The following PGBD5 variants were observed in gnomAD, a reference collection of about 807,000 sequenced individuals.
PGBD5 encodes the protein piggyBac transposable element-derived protein 5.
In PGBD5, 14 loss-of-function variants were observed where a neutral mutation model predicts 47.9. The observed-to-expected ratio is 0.29, with a 90% CI of 0.19 to 0.46. The LOEUF is 0.46. PGBD5 is among the 20% of genes least tolerant of loss of function. The pLI, the probability that PGBD5 is intolerant of heterozygous loss-of-function variation, is 1.00. For synonymous variants in PGBD5, 316 were observed against 306.3 expected, an observed-to-expected ratio of 1.03 and a Z score of -0.33; for missense variants, 635 against 716.0, an observed-to-expected ratio of 0.89 and a Z score of 1.29.
intron 1 of PGBD5, among the ~76,000 whole-genome samples, chr1:230,415,081 A>G (rs1008532330): frequency 1.3e-5 from 2 of 152,152 alleles, no homozygotes; most frequent in African/African-American, 4.8e-5. Context: ...CTTAGGCAAC[A>G]TAGTGAGACC....
chr1:230,337,218 T>G lies in PGBD5; in HGVS notation c.965A>C (p.His322Pro). 6.2e-7 allele frequency: 1 copy of G among 1,614,194 alleles called. No homozygotes were observed. Among genetic ancestry groups the G allele is most frequent in the Non-Finnish European group, 8.5e-7 (1 of 1,180,032 alleles). ...GCACAGGCTCCTGGCCACCATGCTG[T>G]GGAGCTGGGGCTTATTCTTCAGCGC... ...LDALKNKPQL[H>P]SMVARSLCRN... Residue 322 changes from histidine (H) to proline (P), a missense_variant, in exon 4 of 7, where the codon CAC (histidine) becomes CCC (proline). His to Pro is a moderately conservative substitution (Grantham distance 77). Transcript: ENST00000391860.
At chr1:230,347,270 ATGGGAGAG>A (rs948603316) in intron 3 of PGBD5, among the ~76,000 whole-genome samples, 5 of 152,176 alleles carry the variant, frequency 3.3e-5, no homozygotes, top group Non-Finnish European at 4.4e-5. Context: ...TCTATGGAAG[ATGGGAGAG>A]TGGGAGAGTG....
chr1:230,380,222 G>A (rs1284232849), intron 1 of PGBD5, among the ~76,000 whole-genome samples: 1 of 152,200 alleles, frequency 6.6e-6, no homozygotes, highest in African/African-American at 2.4e-5. Context: ...GACTTCCCTT[G>A]TAATCACAGG....
chr1:230,407,888 TGAAC>T (rs905846321), intron 1 of PGBD5, among the ~76,000 whole-genome samples: 2 of 152,184 alleles, frequency 1.3e-5, no homozygotes, highest in African/African-American at 4.8e-5. Flanking sequence ...CTCTAAGCAG[TGAAC>T]CAAGGATTTG....
intron 1 of PGBD5, among the ~76,000 whole-genome samples, chr1:230,381,467 T>A (rs939726005): frequency 1.3e-5 from 2 of 152,226 alleles, no homozygotes; most frequent in African/African-American, 4.8e-5. Flanking sequence ...CCACTGGATG[T>A]CTCACGCTGC....
At position 230,323,724 on chromosome 1, in the gene PGBD5, C is replaced by G; in HGVS notation, c.1380-104G>C. The G allele has an allele frequency of 3.5e-6, 4 of 1,158,612 alleles. No individual in the cohort carries two copies. The highest frequency in any genetic ancestry group is 4.9e-6 in the Non-Finnish European group (4 of 816,556). 71.8% of individuals were successfully genotyped at this position (1,158,612 alleles called of 1,614,324 possible). ...CACAGCCCGTGAGACGCTGCAGGTT[C>G]GCCCCCGACAGAAGCAGGAGGGCTA... On this transcript the variant is annotated intron_variant, in intron 6 of 6. Coordinates refer to ENST00000391860, the MANE Select transcript of PGBD5 (RefSeq NM_001258311.2). The surrounding 1 kb of genome is among the most constrained non-coding windows in gnomAD (Gnocchi z 4.1).
chr1:230,337,817 G>A (rs1667350330), intron 3 of PGBD5, among the ~76,000 whole-genome samples: 1 of 152,146 alleles, frequency 6.6e-6, no homozygotes, highest in African/African-American at 2.4e-5. Flanking sequence ...TTGCCCAAGA[G>A]TCCAGGGCCA....
intron 1 of PGBD5, among the ~76,000 whole-genome samples, chr1:230,367,122 G>A (rs368717435): frequency 5.9e-5 from 9 of 151,796 alleles, no homozygotes; most frequent in South Asian, 4.2e-4. Context: ...CTCCCTCCCC[G>A]CTTATTGCTC....
At position 230,357,488 on chromosome 1, in the gene PGBD5, A is replaced by G. The variant is rs1477988609; in HGVS notation, c.332-167T>C. On this transcript the variant is annotated intron_variant, in intron 1 of 6. Transcript: ENST00000391860. This position sits in a 1 kb window ranked among gnomAD's most constrained non-coding sequence, Gnocchi z 5.7. ...TTCCAGAAGCTGCTGCAACCACCTG[A>G]CAGTGCCGGCTCCCATAGCTTTTGT... 1.3e-5 allele frequency among the ~76,000 whole-genome samples: 2 copies of G among 152,126 alleles called. No individual in the cohort carries two copies. Among genetic ancestry groups the G allele is most frequent in the Non-Finnish European group, 2.9e-5 (2 of 68,016 alleles).
At chr1:230,411,429 T>C (rs1657405517) in intron 1 of PGBD5, among the ~76,000 whole-genome samples, 1 of 152,178 alleles carries the variant, frequency 6.6e-6, no homozygotes, top group Non-Finnish European at 1.5e-5. Flanking sequence ...GTCAACAAAT[T>C]TGAAAGCCTT....
At chr1:230,361,935 C>G (rs1667750548) in intron 1 of PGBD5, among the ~76,000 whole-genome samples, 1 of 152,232 alleles carries the variant, frequency 6.6e-6, no homozygotes, top group Non-Finnish European at 1.5e-5. Flanking sequence ...CCATCAGCCC[C>G]AGTGGGGAGT....
chr1:230,416,905 G>A (rs755393208), intron 1 of PGBD5, among the ~76,000 whole-genome samples: 24 of 152,186 alleles, frequency 1.6e-4, no homozygotes, highest in Non-Finnish European at 2.9e-4. Flanking sequence ...AAAGGTGGAG[G>A]CTGAGAATCC....
chr1:230,364,365 T>A (rs905946925), intron 1 of PGBD5, among the ~76,000 whole-genome samples: 3 of 152,246 alleles, frequency 2.0e-5, no homozygotes, highest in Non-Finnish European at 2.9e-5. Context: ...TCCAAAATTA[T>A]GTTCAGATTA....
intron 3 of PGBD5, 69 bp downstream of exon 3, chr1:230,350,888 GC>G: frequency 1.3e-6 from 2 of 1,571,366 alleles, no homozygotes; most frequent in Non-Finnish European, 1.7e-6. Flanking sequence ...TATCAGATGA[GC>G]CCAAGTCGCC....
chr1:230,403,440 C>T (rs1657192713), intron 1 of PGBD5, among the ~76,000 whole-genome samples: 1 of 152,212 alleles, frequency 6.6e-6, no homozygotes, highest in Admixed American at 6.5e-5. Flanking sequence ...TGGCTGGGTG[C>T]ACTCAGTGTA....
At chr1:230,327,018 C>G (rs1176417967) in intron 5 of PGBD5, among the ~76,000 whole-genome samples, 1 of 152,174 alleles carries the variant, frequency 6.6e-6, no homozygotes, top group Non-Finnish European at 1.5e-5. Context: ...TGCCCCGCTG[C>G]CAAGCCACTG....
intron 1 of PGBD5, among the ~76,000 whole-genome samples, chr1:230,358,778 T>G (rs1045190679): frequency 6.6e-6 from 1 of 152,224 alleles, no homozygotes. Context: ...CACAGGTTTG[T>G]AGTCTAGGAG....
At chr1:230,371,366 C>T (rs537333473) in intron 1 of PGBD5, among the ~76,000 whole-genome samples, 94 of 152,246 alleles carry the variant, frequency 6.2e-4, no homozygotes, top group South Asian at 1.5e-3. Flanking sequence ...GCCAGGCCAT[C>T]GAGCCAGTTC....
intron 3 of PGBD5, among the ~76,000 whole-genome samples, chr1:230,337,569 T>G (rs1450003027): frequency 6.6e-6 from 1 of 152,118 alleles, no homozygotes; most frequent in South Asian, 2.1e-4. Flanking sequence ...TGCAAATACA[T>G]TCCCCGGCTT....
Sources: gnomAD v4.1 joint callset for allele counts (sites outside exome capture counted in the v4.1 genomes callset) on GRCh38, gnomAD v4.1.1 for gene constraint, Gnocchi (gnomAD v3.1) non-coding constraint, MANE v1.5 for transcripts, NCBI Gene and HGNC (gene_info 2026-07-23, HGNC 2026-07-21) for gene names.